The following ARHGAP12 variants were observed in gnomAD, a reference collection of about 807,000 sequenced individuals.
ARHGAP12 encodes Rho GTPase activating protein 12, also known as rho GTPase-activating protein 12.
ARHGAP12 carries 64 observed loss-of-function variants against 108.6 expected under a neutral mutation model. The ratio of observed to expected loss-of-function variants is 0.59; its 90% CI spans 0.48 to 0.73. The LOEUF is 0.73. Ranked by LOEUF, ARHGAP12 falls within the 30% of genes least tolerant of loss-of-function variation. The pLI is 0.00. For missense variants in ARHGAP12, 940 were observed against 1,005.9 expected (o/e 0.93, Z 0.89); for synonymous variants, 312 against 337.2 (o/e 0.93, Z 0.82).
intron 9 of ARHGAP12, 24 bp from the exon 10 acceptor site, chr10:31,831,824 T>C (rs1170898070): frequency 1.7e-5 from 25 of 1,440,840 alleles, no homozygotes; most frequent in Non-Finnish European, 2.4e-5. Context: ...TAATACTGTT[T>C]ATACAATCAC....
chr10:31,849,924 C>T (rs1836610098), intron 6 of ARHGAP12, among the ~76,000 whole-genome samples: 1 of 152,020 alleles, frequency 6.6e-6, no homozygotes, highest in African/African-American at 2.4e-5. Flanking sequence ...TTCTTCTGAC[C>T]AAGGAAATTA....
chr10:31,830,878 A>G (rs1835806086), intron 10 of ARHGAP12, among the ~76,000 whole-genome samples: 1 of 152,236 alleles, frequency 6.6e-6, no homozygotes, highest in Non-Finnish European at 1.5e-5. Flanking sequence ...TGGCAAAATC[A>G]AAGAATTTAA....
At chr10:31,819,519 C>T (rs181014046) in intron 12 of ARHGAP12, among the ~76,000 whole-genome samples, 9 of 152,296 alleles carry the variant, frequency 5.9e-5, no homozygotes, top group Admixed American at 3.9e-4. Context: ...GGCTAGTCTC[C>T]TGAACAGTCT....
intron 3 of ARHGAP12, among the ~76,000 whole-genome samples, chr10:31,885,073 A>G (rs1036742270): frequency 1.3e-5 from 2 of 152,154 alleles, no homozygotes; most frequent in Non-Finnish European, 2.9e-5. Flanking sequence ...CATTCCCTCA[A>G]GCAAAAATTG....
chr10:31,880,015 G>T (rs1837877384), intron 3 of ARHGAP12, among the ~76,000 whole-genome samples: 2 of 152,246 alleles, frequency 1.3e-5, no homozygotes, highest in Admixed American at 1.3e-4. Context: ...TAGATGTCAG[G>T]TATTTATTCA....
intron 9 of ARHGAP12, among the ~76,000 whole-genome samples, chr10:31,833,633 C>A (rs903085320): frequency 7.9e-5 from 12 of 152,180 alleles, no homozygotes; most frequent in African/African-American, 2.9e-4. Context: ...ATTTGCTACA[C>A]CCAAAACGTA....
intron 13 of ARHGAP12, among the ~76,000 whole-genome samples, 171 bp from the exon 14 acceptor site, chr10:31,814,532 TAG>T (rs778873374): frequency 2.2e-4 from 34 of 152,170 alleles, no homozygotes; most frequent in East Asian, 1.2e-3. Flanking sequence ...TTTTTCTCCC[TAG>T]ATGGCATCAA....
intron 3 of ARHGAP12, among the ~76,000 whole-genome samples, chr10:31,896,150 A>G (rs1838681737): frequency 6.6e-6 from 1 of 152,068 alleles, no homozygotes; most frequent in Non-Finnish European, 1.5e-5. Context: ...ATGACGAGTT[A>G]ATGGGTGCAG....
intron 3 of ARHGAP12, among the ~76,000 whole-genome samples, chr10:31,896,850 C>A: frequency 6.6e-6 from 1 of 152,084 alleles, no homozygotes; most frequent in East Asian, 1.9e-4. Flanking sequence ...TTTCTAGGAC[C>A]CATTACAGAA....
chr10:31,816,983 A>T (rs1835226503), intron 13 of ARHGAP12, among the ~76,000 whole-genome samples: 1 of 151,914 alleles, frequency 6.6e-6, no homozygotes, highest in Non-Finnish European at 1.5e-5. Flanking sequence ...TTCTGTCATT[A>T]ATATAATATG....
chr10:31,869,843 G>A (rs1019629336), intron 3 of ARHGAP12, among the ~76,000 whole-genome samples: 34 of 152,006 alleles, frequency 2.2e-4, no homozygotes, highest in Non-Finnish European at 5.9e-5. Context: ...ACTGAGATTT[G>A]TCCTCTTTTT....
chr10:31,866,969 C>A (rs1837350111), intron 3 of ARHGAP12, among the ~76,000 whole-genome samples: 1 of 152,020 alleles, frequency 6.6e-6, no homozygotes, highest in African/African-American at 2.4e-5. Context: ...TTCTTCAAAA[C>A]CGATAAACCA....
chr10:31,848,943 C>A (rs1035598238), intron 6 of ARHGAP12, among the ~76,000 whole-genome samples: 4 of 151,898 alleles, frequency 2.6e-5, no homozygotes, highest in African/African-American at 9.7e-5. Flanking sequence ...TGCTGGTGCA[C>A]GCCTATAATC....
At chr10:31,830,554 C>T (rs1031084389) in intron 10 of ARHGAP12, among the ~76,000 whole-genome samples, 4 of 151,932 alleles carry the variant, frequency 2.6e-5, no homozygotes, top group Non-Finnish European at 4.4e-5. Context: ...ATTTATAAAG[C>T]TATTTCAGAG....
At chr10:31,907,111 A>G (rs1839162161) in intron 3 of ARHGAP12, among the ~76,000 whole-genome samples, 1 of 152,190 alleles carries the variant, frequency 6.6e-6, no homozygotes, top group Non-Finnish European at 1.5e-5. Flanking sequence ...CTTCCATGAC[A>G]ATCAGACCAC....
Position 31,810,695 on chromosome 10 carries a change from T to G in ARHGAP12, c.2004A>C (p.Thr668=). 1.9e-6 allele frequency: 3 copies of G among 1,608,460 alleles called. No individual in the cohort carries two copies. Among genetic ancestry groups the G allele is most frequent in the Non-Finnish European group, 2.5e-6 (3 of 1,177,720 alleles). ...LANLCQRENG[T]VPKFVKLCIE... is the part of the protein sequence containing the mutation. ...TACATAACTTCACAAACTTTGGTACTGTGCCATTCTCTCTCTGACACAGAT... is the reference window on the plus strand; with the variant it reads ...TACATAACTTCACAAACTTTGGTACGGTGCCATTCTCTCTCTGACACAGAT... The change falls in exon 16 of 20, where the codon ACA becomes ACC. Residue 668 remains threonine (T), a synonymous_variant. Transcript: ENST00000344936.
At chr10:31,820,653 T>C (rs1168489858) in intron 11 of ARHGAP12, among the ~76,000 whole-genome samples, 165 bp from the exon 12 acceptor site, 1 of 150,802 alleles carries the variant, frequency 6.6e-6, no homozygotes, top group Non-Finnish European at 1.5e-5. Flanking sequence ...AATTGAAAAA[T>C]ATCTAGAATA....
chr10:31,815,970 T>C (rs185980926), intron 13 of ARHGAP12, among the ~76,000 whole-genome samples: 63 of 152,172 alleles, frequency 4.1e-4, no homozygotes, highest in African/African-American at 1.4e-3. Context: ...GACAACATGG[T>C]GAAACCTCAT....
rs369923596 is a variant in ARHGAP12, at chr10:31,807,663, G to A, written c.2536C>T (p.Arg846Cys). 38 of 1,599,870 alleles carry A rather than the reference G, an allele frequency of 2.4e-5. No individual in the cohort carries two copies. Among genetic ancestry groups the A allele is most frequent in the South Asian group, 1.5e-4 (13 of 87,626 alleles). ...ILLELSSIFG[R>C] ...CAGGTTGTCTTCAGTAAGAATCAAC[G>A]TCCGAAGATGGAACTCAGTTCCAGA... is the stretch of plus-strand genomic sequence containing the variant. The change falls in exon 20 of 20, where the codon CGT (arginine) becomes TGT (cysteine). Residue 846 changes from arginine (R) to cysteine (C), a missense_variant. Coordinates refer to ENST00000344936, the MANE Select transcript of ARHGAP12 (RefSeq NM_018287.7).
Sources: gnomAD v4.1 joint callset for allele counts (sites outside exome capture counted in the v4.1 genomes callset) on GRCh38, gnomAD v4.1.1 for gene constraint, MANE v1.5 for transcripts, NCBI Gene and HGNC (gene_info 2026-07-23, HGNC 2026-07-21) for gene names.